Variants in CHRM3 observed in about 807,000 individuals in gnomAD.
The protein encoded by CHRM3 is muscarinic acetylcholine receptor M3.
In CHRM3, 11 loss-of-function variants were observed where a neutral mutation model predicts 41.8. The observed-to-expected ratio is 0.26, with a 90% CI of 0.17 to 0.44. CHRM3 has a LOEUF of 0.44. CHRM3 is among the 20% of genes least tolerant of loss of function. CHRM3 has a pLI of 1.00. For missense variants in CHRM3, 571 were observed against 745.4 expected, an observed-to-expected ratio of 0.77 and a Z score of 2.72; for synonymous variants, 297 against 301.4, an observed-to-expected ratio of 0.99 and a Z score of 0.15.
intron 5 of CHRM3, among the ~76,000 whole-genome samples, chr1:239,747,664 T>A (rs1665484833): frequency 6.6e-6 from 1 of 152,218 alleles, no homozygotes; most frequent in Non-Finnish European, 1.5e-5. Context: ...TGGCTTGCTC[T>A]GCATTTTGAA....
At chr1:239,760,475 T>C (rs1666663001) in intron 5 of CHRM3, among the ~76,000 whole-genome samples, 1 of 152,092 alleles carries the variant, frequency 6.6e-6, no homozygotes, top group African/African-American at 2.4e-5. Flanking sequence ...ACCTTGCCTG[T>C]TCGTCTACCT....
chr1:239,662,277 C>G (rs1454831331), intron 4 of CHRM3, among the ~76,000 whole-genome samples: 1 of 152,088 alleles, frequency 6.6e-6, no homozygotes, highest in Non-Finnish European at 1.5e-5. Flanking sequence ...AAACCTGCCT[C>G]CCATAAGCAG....
chr1:239,590,892 G>C (rs775801358), intron 3 of CHRM3, among the ~76,000 whole-genome samples: 1 of 152,114 alleles, frequency 6.6e-6, no homozygotes, highest in Non-Finnish European at 1.5e-5. Flanking sequence ...GAAGGTCTGA[G>C]GATTTTAGGT....
intron 1 of CHRM3, among the ~76,000 whole-genome samples, chr1:239,482,794 A>G (rs949363446): frequency 7.9e-5 from 12 of 152,260 alleles, no homozygotes; most frequent in African/African-American, 2.7e-4. Context: ...GCTAGAAATT[A>G]GTAGACTGTC....
At chr1:239,489,686 T>C (rs1487894638) in intron 1 of CHRM3, among the ~76,000 whole-genome samples, 1 of 152,206 alleles carries the variant, frequency 6.6e-6, no homozygotes, top group Non-Finnish European at 1.5e-5. Context: ...TGGGGACATA[T>C]ATGGCCATTG....
intron 6 of CHRM3, among the ~76,000 whole-genome samples, chr1:239,890,193 C>G (rs1346774272): frequency 6.6e-6 from 1 of 151,788 alleles, no homozygotes. Context: ...TTCAGCTACT[C>G]GGGAGGCTGA....
chr1:239,913,200 A>G lies in CHRM3; in HGVS notation c.*3976A>G, dbSNP rs1680458990. 1 of 167,102 alleles carries G rather than the reference A, an allele frequency of 6.0e-6. No homozygotes were observed. The highest frequency in any genetic ancestry group is 2.4e-5 in the African/African-American group (1 of 41,466). The allele number at this position is 167,102 out of a possible 1,614,324, so 10.4% of individuals were successfully genotyped here. ...TGAAATTTGTTGGCAAACCCGGAGTAGTATGGTTTCAAATACCACTCCAAC... is the reference window on the plus strand; with the variant it reads ...TGAAATTTGTTGGCAAACCCGGAGTGGTATGGTTTCAAATACCACTCCAAC... On this transcript the variant is annotated 3_prime_UTR_variant, in exon 7 of 7. Coordinates refer to ENST00000676153, the MANE Select transcript of CHRM3 (RefSeq NM_001375978.1).
At chr1:239,833,535 G>A (rs1034617771) in intron 6 of CHRM3, among the ~76,000 whole-genome samples, 1 of 152,104 alleles carries the variant, frequency 6.6e-6, no homozygotes, top group Non-Finnish European at 1.5e-5. Context: ...AACAAAGGAG[G>A]CTAATACTTT....
intron 6 of CHRM3, among the ~76,000 whole-genome samples, chr1:239,890,204 G>A (rs924797826): frequency 1.3e-5 from 2 of 152,098 alleles, no homozygotes; most frequent in African/African-American, 4.8e-5. Context: ...GGGAGGCTGA[G>A]GCAGGAGAAT....
chr1:239,473,835 A>T (rs571917867), intron 1 of CHRM3, among the ~76,000 whole-genome samples: 1 of 152,014 alleles, frequency 6.6e-6, no homozygotes, highest in African/African-American at 2.4e-5. Flanking sequence ...AGTAATGCGT[A>T]TTATTTCTGT....
chr1:239,542,892 A>T (rs923753114), intron 2 of CHRM3, among the ~76,000 whole-genome samples: 4 of 152,206 alleles, frequency 2.6e-5, no homozygotes, highest in Admixed American at 6.5e-5. Context: ...CCACCTCTCC[A>T]TGGGAGTCCT....
At chr1:239,841,352 G>A (rs1016604786) in intron 6 of CHRM3, among the ~76,000 whole-genome samples, 6 of 152,164 alleles carry the variant, frequency 3.9e-5, no homozygotes, top group African/African-American at 1.2e-4. Context: ...GATTTGGTGG[G>A]GCATGTTGAA....
chr1:239,710,864 G>A (rs531351761), intron 5 of CHRM3, among the ~76,000 whole-genome samples: 131 of 151,806 alleles, frequency 8.6e-4, no homozygotes, highest in East Asian at 3.1e-3. Flanking sequence ...ACAACCTGCC[G>A]TGTTCCTAAC....
At chr1:239,572,516 C>T (rs1661919421) in intron 3 of CHRM3, among the ~76,000 whole-genome samples, 1 of 152,118 alleles carries the variant, frequency 6.6e-6, no homozygotes, top group Non-Finnish European at 1.5e-5. Flanking sequence ...TACATCTTTT[C>T]CGGCTAATGT....
chr1:239,717,864 G>C (rs1353661096), intron 5 of CHRM3, among the ~76,000 whole-genome samples: 1 of 152,032 alleles, frequency 6.6e-6, no homozygotes, highest in Non-Finnish European at 1.5e-5. Context: ...GACTCCAGCA[G>C]TTTATCAAGC....
At chr1:239,882,062 T>C (rs7554441) in intron 6 of CHRM3, among the ~76,000 whole-genome samples, 80,039 of 151,818 alleles carry the variant, frequency 0.53, 21,848 homozygotes, top group East Asian at 0.64. Flanking sequence ...CCCGCCACCA[T>C]GCCCCGCTAA....
chr1:239,393,291 A>C (rs916935140), intron 1 of CHRM3, among the ~76,000 whole-genome samples: 1 of 152,222 alleles, frequency 6.6e-6, no homozygotes, highest in Non-Finnish European at 1.5e-5. Context: ...GTCATTTAAA[A>C]ATGTTATTGA....
At chr1:239,550,656 G>A (rs774365003) in intron 3 of CHRM3, among the ~76,000 whole-genome samples, 14 of 152,094 alleles carry the variant, frequency 9.2e-5, no homozygotes, top group Non-Finnish European at 1.6e-4. Flanking sequence ...TTAACTTACC[G>A]TGATGTTTAT....
At chr1:239,643,968 T>C (rs939886947) in intron 4 of CHRM3, among the ~76,000 whole-genome samples, 3 of 152,214 alleles carry the variant, frequency 2.0e-5, no homozygotes, top group South Asian at 2.1e-4. Context: ...AAGTAGATGA[T>C]AGAAAATGTA....
Sources: gnomAD v4.1 joint callset for allele counts (sites outside exome capture counted in the v4.1 genomes callset) on GRCh38, gnomAD v4.1.1 for gene constraint, MANE v1.5 for transcripts, NCBI Gene and HGNC (gene_info 2026-07-23, HGNC 2026-07-21) for gene names.